Variants in SH3GL2 observed in about 807,000 individuals in gnomAD.
The protein encoded by SH3GL2 is SH3 domain containing GRB2 like 2, endophilin A1, also known as endophilin-A1.
SH3GL2 carries 24 observed loss-of-function variants against 46.0 expected under a neutral mutation model. That is an observed-to-expected ratio of 0.52 (90% CI 0.38 to 0.73). The LOEUF is 0.73. SH3GL2 is among the 30% of genes least tolerant of loss of function. SH3GL2 has a pLI of 0.00. For missense variants in SH3GL2, 413 were observed against 424.2 expected (o/e 0.97, Z 0.23); for synonymous variants, 196 against 147.1 (o/e 1.33, Z -2.40).
intron 3 of SH3GL2, among the ~76,000 whole-genome samples, chr9:17,782,211 A>G (rs534984123): frequency 6.6e-5 from 10 of 152,234 alleles, no homozygotes; most frequent in Non-Finnish European, 1.2e-4. Context: ...ATTTTAATCA[A>G]TTTAATCTTT....
intron 1 of SH3GL2, among the ~76,000 whole-genome samples, chr9:17,705,298 T>A (rs529066052): frequency 6.6e-6 from 1 of 152,074 alleles, no homozygotes; most frequent in Non-Finnish European, 1.5e-5. Flanking sequence ...CTGCTGGAAA[T>A]GTAAATTAGT....
chr9:17,588,441 A>G (rs761638735), intron 1 of SH3GL2, among the ~76,000 whole-genome samples: 1 of 152,328 alleles, frequency 6.6e-6, no homozygotes, highest in East Asian at 1.9e-4. Context: ...CTTTAAAAGC[A>G]GGATATTTTC....
chr9:17,681,129 A>G (rs544134965), intron 1 of SH3GL2, among the ~76,000 whole-genome samples: 1 of 152,270 alleles, frequency 6.6e-6, no homozygotes, highest in Admixed American at 6.5e-5. Context: ...CTTTCAAGGA[A>G]TCAAAAAGGG....
intron 1 of SH3GL2, among the ~76,000 whole-genome samples, chr9:17,689,696 A>T (rs1821022426): frequency 6.6e-6 from 1 of 151,980 alleles, no homozygotes; most frequent in East Asian, 1.9e-4. Flanking sequence ...CTCTGCCTGA[A>T]TCTTCATGTA....
At chr9:17,740,472 T>C (rs953074574) in intron 1 of SH3GL2, among the ~76,000 whole-genome samples, 3 of 150,906 alleles carry the variant, frequency 2.0e-5, no homozygotes, top group African/African-American at 5.0e-5. Flanking sequence ...TCAAGTATTG[T>C]ATTGTATTGT....
intron 1 of SH3GL2, among the ~76,000 whole-genome samples, chr9:17,654,249 C>T (rs192421929): frequency 6.6e-6 from 1 of 152,322 alleles, no homozygotes; most frequent in African/African-American, 2.4e-5. Flanking sequence ...CATCCTTTCT[C>T]TGTCTATGCT....
intron 1 of SH3GL2, among the ~76,000 whole-genome samples, chr9:17,705,663 G>A (rs915213016): frequency 1.3e-5 from 2 of 152,040 alleles, no homozygotes; most frequent in African/African-American, 4.8e-5. Context: ...CAACATGCAT[G>A]GAGCTGGAGG....
chr9:17,629,273 GTTA>G (rs1196914778), intron 1 of SH3GL2, among the ~76,000 whole-genome samples: 1 of 152,118 alleles, frequency 6.6e-6, no homozygotes, highest in Non-Finnish European at 1.5e-5. Flanking sequence ...ATTTTGATAA[GTTA>G]TTATAATTTC....
chr9:17,695,690 CT>C (rs959831926), intron 1 of SH3GL2, among the ~76,000 whole-genome samples: 2 of 151,866 alleles, frequency 1.3e-5, no homozygotes, highest in East Asian at 3.9e-4. Flanking sequence ...ATCACAACCT[CT>C]TTTTTTCAGT....
chr9:17,699,080 C>T (rs1220182879), intron 1 of SH3GL2, among the ~76,000 whole-genome samples: 1 of 147,282 alleles, frequency 6.8e-6, no homozygotes, highest in African/African-American at 2.5e-5. Flanking sequence ...GCTTGAACCT[C>T]AGAGGCAGAG....
At chr9:17,621,997 T>A (rs2134603070) in intron 1 of SH3GL2, among the ~76,000 whole-genome samples, 1 of 152,314 alleles carries the variant, frequency 6.6e-6, no homozygotes, top group East Asian at 1.9e-4. Context: ...GTTCTTTAGG[T>A]TGCTAATTTC....
At chr9:17,779,580 A>G (rs1345514756) in intron 3 of SH3GL2, among the ~76,000 whole-genome samples, 1 of 152,166 alleles carries the variant, frequency 6.6e-6, no homozygotes, top group Non-Finnish European at 1.5e-5. Context: ...AATTGTTTGT[A>G]TAAAGCTCCT....
intron 3 of SH3GL2, among the ~76,000 whole-genome samples, chr9:17,762,520 A>G: frequency 6.6e-6 from 1 of 151,634 alleles, no homozygotes; most frequent in Admixed American, 6.6e-5. Flanking sequence ...ATCCTTATTC[A>G]CCTATGACCA....
chr9:17,682,502 C>G (rs774553583), intron 1 of SH3GL2, among the ~76,000 whole-genome samples: 1 of 151,946 alleles, frequency 6.6e-6, no homozygotes, highest in South Asian at 2.1e-4. Flanking sequence ...GCGAGTTGAA[C>G]ATAGAGAACA....
intron 1 of SH3GL2, among the ~76,000 whole-genome samples, chr9:17,656,840 A>C (rs190676278): frequency 6.6e-6 from 1 of 151,178 alleles, no homozygotes; most frequent in African/African-American, 2.4e-5. Flanking sequence ...ACATGTGATT[A>C]CTTGACACGT....
At chr9:17,580,602 T>C (rs549728156) in intron 1 of SH3GL2, among the ~76,000 whole-genome samples, 1 of 152,350 alleles carries the variant, frequency 6.6e-6, no homozygotes, top group East Asian at 1.9e-4. Flanking sequence ...TTTGCTTTTC[T>C]ATTATAATTG....
At chr9:17,681,573 A>G (rs1016850094) in intron 1 of SH3GL2, among the ~76,000 whole-genome samples, 5 of 152,208 alleles carry the variant, frequency 3.3e-5, no homozygotes, top group African/African-American at 1.2e-4. Context: ...TAAAGACTTA[A>G]ATGTAAAACC....
chr9:17,684,453 G>A (rs1820853385), intron 1 of SH3GL2, among the ~76,000 whole-genome samples: 2 of 152,030 alleles, frequency 1.3e-5, no homozygotes, highest in African/African-American at 4.8e-5. Flanking sequence ...GCCCCTAAGA[G>A]CTTTAGTACA....
intron 1 of SH3GL2, among the ~76,000 whole-genome samples, chr9:17,605,558 T>A (rs1486663089): frequency 4.6e-5 from 7 of 152,298 alleles, no homozygotes. Flanking sequence ...ATAGTCCTAG[T>A]ACCTGAGAGC....
Sources: gnomAD v4.1 joint callset for allele counts (sites outside exome capture counted in the v4.1 genomes callset) on GRCh38, gnomAD v4.1.1 for gene constraint, MANE v1.5 for transcripts, NCBI Gene and HGNC (gene_info 2026-07-23, HGNC 2026-07-21) for gene names.